RGS6: variants seen among roughly 807,000 people sequenced by gnomAD.
RGS6 encodes the protein regulator of G protein signaling 6, also known as regulator of G-protein signaling 6.
Under a neutral mutation model 78.5 loss-of-function variants are expected in RGS6, and 30 were observed. The ratio of observed to expected loss-of-function variants is 0.38; its 90% confidence interval spans 0.29 to 0.52. RGS6 has a LOEUF of 0.52. Among genes scored for constraint, RGS6 ranks in the 20% least tolerant of loss-of-function variants. RGS6 has a pLI of 0.85. For synonymous variants in RGS6, 206 were observed against 206.0 expected (o/e 1.00, Z 0.00); for missense variants, 495 against 609.7 (o/e 0.81, Z 1.98).
intron 3 of RGS6, among the ~76,000 whole-genome samples, chr14:72,444,768 C>A (rs773699745): frequency 2.6e-5 from 4 of 152,252 alleles, no homozygotes; most frequent in African/African-American, 4.8e-5. Context: ...GGGAGAAGAC[C>A]CCAGGTTGAT....
chr14:72,299,944 G>A (rs7151667), intron 2 of RGS6, among the ~76,000 whole-genome samples: 7,494 of 151,822 alleles, frequency 0.049, 551 homozygotes, highest in African/African-American at 0.17. Context: ...TTAAAGTGCC[G>A]ACTTTTGGTT....
intron 2 of RGS6, among the ~76,000 whole-genome samples, chr14:72,251,389 CTTA>C (rs142005179): frequency 5.9e-4 from 90 of 152,198 alleles, no homozygotes; most frequent in African/African-American, 2.1e-3. Context: ...AAAAAGTTTT[CTTA>C]ATCAGATAGG....
intron 2 of RGS6, among the ~76,000 whole-genome samples, chr14:72,110,481 C>G (rs1186693942): frequency 6.6e-6 from 1 of 152,188 alleles, no homozygotes; most frequent in East Asian, 1.9e-4. Flanking sequence ...AAATGCTTGA[C>G]TCTCTCGGCA....
At position 72,093,033 on chromosome 14, in the gene RGS6, A is replaced by AGT. The variant is rs10567555; in HGVS notation, c.84+128185_84+128186dup. 3.4e-3 allele frequency among the ~76,000 whole-genome samples: 503 copies of AGT among 149,658 alleles called. 4 individuals are homozygous for AGT. The highest frequency in any genetic ancestry group is 9.9e-3 in the African/African-American group (401 of 40,628). On this transcript the variant is annotated intron_variant, in intron 2 of 17. Coordinates refer to ENST00000553525, the MANE Select transcript of RGS6 (RefSeq NM_001204424.2). ...TATGAAACACTTCAGACATACCAAA[A>AGT]GTGTGTGTGTGTGTGTGTGTGTGTG...
chr14:71,867,530 C>A, the RGS6 span, among the ~76,000 whole-genome samples: 1 of 152,158 alleles, frequency 6.6e-6, no homozygotes, highest in Non-Finnish European at 1.5e-5. Flanking sequence ...TCACCTTGCT[C>A]TCCTTATGGG....
At chr14:72,098,390 C>T (rs2095455287) in intron 2 of RGS6, among the ~76,000 whole-genome samples, 1 of 152,202 alleles carries the variant, frequency 6.6e-6, no homozygotes, top group Non-Finnish European at 1.5e-5. Context: ...TGGCAGGTGC[C>T]ACTATTGTTT....
intron 2 of RGS6, among the ~76,000 whole-genome samples, chr14:72,134,297 T>C (rs1281249797): frequency 6.6e-6 from 1 of 152,200 alleles, no homozygotes; most frequent in African/African-American, 2.4e-5. Context: ...TTCTCTGTGG[T>C]TAGTTCATAA....
rs143194035 is a variant in RGS6, at chr14:72,325,752, G to A, written c.85-26343G>A. On this transcript the variant is annotated intron_variant, in intron 2 of 17. Transcript: ENST00000553525. Reference sequence around the variant, plus strand: ...AATATAAATAGGTACTTCCCAAAAAGAAAGAAACATGATGTAAACCATTGA... The same window carrying A: ...AATATAAATAGGTACTTCCCAAAAAAAAAGAAACATGATGTAAACCATTGA... Among the ~76,000 whole-genome samples the A allele has an allele frequency of 1.9e-3, 281 of 151,886 alleles. 1 individual carries two copies. The highest frequency in any genetic ancestry group is 6.5e-3 in the African/African-American group (268 of 41,448).
At chr14:72,213,216 A>T (rs2681720) in intron 2 of RGS6, among the ~76,000 whole-genome samples, 144,642 of 152,090 alleles carry the variant, frequency 0.95, 68,966 homozygotes, top group East Asian at 1. Context: ...TGTATATTTC[A>T]AACTGGGAGC....
At chr14:72,287,069 C>T (rs1397491472) in intron 2 of RGS6, among the ~76,000 whole-genome samples, 2 of 152,208 alleles carry the variant, frequency 1.3e-5, no homozygotes, top group African/African-American at 4.8e-5. Flanking sequence ...CAGGTGCAAA[C>T]TACCACACCT....
intron 8 of RGS6, among the ~76,000 whole-genome samples, chr14:72,470,879 CA>C (rs34084675): frequency 0.63 from 70,242 of 112,372 alleles, 19,114 homozygotes; most frequent in East Asian, 0.79. Context: ...AACTCCCTCT[CA>C]AAAAAAAAAA....
the RGS6 span, among the ~76,000 whole-genome samples, chr14:71,917,975 C>A: frequency 1.3e-5 from 2 of 151,946 alleles, no homozygotes; most frequent in African/African-American, 4.8e-5. Flanking sequence ...AGATCGAGAC[C>A]ATCCTGGCTA....
intron 17 of RGS6, chr14:72,550,760 T>A: frequency 1.3e-6 from 1 of 784,912 alleles, no homozygotes; most frequent in Non-Finnish European, 1.9e-6. Flanking sequence ...TGGTAGTGAT[T>A]CAGCTTCACA....
chr14:72,531,491 A>G (rs2097182494), intron 15 of RGS6, among the ~76,000 whole-genome samples: 1 of 151,516 alleles, frequency 6.6e-6, no homozygotes, highest in Non-Finnish European at 1.5e-5. Context: ...GAGTCCTTCC[A>G]GTGGGTTTAT....
At chr14:72,442,585 G>A (rs565565093) in intron 3 of RGS6, among the ~76,000 whole-genome samples, 19 of 152,314 alleles carry the variant, frequency 1.2e-4, no homozygotes, top group East Asian at 1.9e-4. Flanking sequence ...TGTTCAAGTC[G>A]TAATAACGGC....
chr14:72,363,961 C>T (rs966951187), intron 3 of RGS6, among the ~76,000 whole-genome samples: 2 of 129,060 alleles, frequency 1.5e-5, no homozygotes, highest in African/African-American at 6.5e-5. Context: ...GACAATAGCC[C>T]TGAAACAATC....
At chr14:72,279,951 A>G (rs1365136086) in intron 2 of RGS6, among the ~76,000 whole-genome samples, 1 of 152,220 alleles carries the variant, frequency 6.6e-6, no homozygotes, top group Non-Finnish European at 1.5e-5. Flanking sequence ...GCAAGAGAAC[A>G]TCAGTAGGAA....
At chr14:72,219,666 CTTATT>C (rs1288637831) in intron 2 of RGS6, among the ~76,000 whole-genome samples, 1 of 151,874 alleles carries the variant, frequency 6.6e-6, no homozygotes, top group Non-Finnish European at 1.5e-5. Context: ...TATTGCTTGT[CTTATT>C]TTTGTTTTGG....
intron 3 of RGS6, among the ~76,000 whole-genome samples, chr14:72,438,546 A>G (rs899018875): frequency 6.6e-6 from 1 of 152,082 alleles, no homozygotes; most frequent in Admixed American, 6.6e-5. Flanking sequence ...CGTGCACCCA[A>G]CTAGTTAAGC....
Sources: gnomAD v4.1 joint callset for allele counts (sites outside exome capture counted in the v4.1 genomes callset) on GRCh38, gnomAD v4.1.1 for gene constraint, MANE v1.5 for transcripts, NCBI Gene and HGNC (gene_info 2026-07-23, HGNC 2026-07-21) for gene names.